Variants in MTMR8 observed in about 807,000 individuals in gnomAD.
The protein encoded by MTMR8 is phosphatidylinositol-3,5-bisphosphate 3-phosphatase MTMR8.
MTMR8 carries 65 observed loss-of-function variants against 39.3 expected under a neutral mutation model. That is an observed-to-expected ratio of 1.65 (90% CI 1.35 to 2.03). MTMR8 has a LOEUF of 2.03. Ranked by LOEUF, MTMR8 falls within the 30% of genes most tolerant of loss-of-function variation. The pLI is 0.00. For missense variants in MTMR8, 777 were observed against 538.9 expected, an observed-to-expected ratio of 1.44 and a Z score of -4.37; for synonymous variants, 245 against 185.2, an observed-to-expected ratio of 1.32 and a Z score of -2.62.
rs181151050 is a variant in MTMR8, at chrX:64,392,037, G to C, written c.24+3303C>G. 3.6e-5 allele frequency among the ~76,000 whole-genome samples: 4 copies of C among 111,724 alleles called. No individual in the cohort carries two copies. In the Admixed American group the frequency reaches 3.8e-4, roughly 11 times the overall value. ...TAATGAGGGTAGGGAAAAATACATAGAACAAATTCTGATTCAGATAGGAGA... is the reference window on the plus strand; with the variant it reads ...TAATGAGGGTAGGGAAAAATACATACAACAAATTCTGATTCAGATAGGAGA... On this transcript the variant is annotated intron_variant, in intron 1 of 13. Transcript: ENST00000374852.
intron 12 of MTMR8, among the ~76,000 whole-genome samples, chrX:64,300,317 C>T (rs1256947826): frequency 9.0e-6 from 1 of 111,616 alleles, no homozygotes; most frequent in Non-Finnish European, 1.9e-5. Context: ...TTGAATTGAT[C>T]CCTTTACCAT....
At chrX:64,355,768 T>C (rs887278438) in intron 3 of MTMR8, among the ~76,000 whole-genome samples, 1 of 110,881 alleles carries the variant, frequency 9.0e-6, no homozygotes, top group African/African-American at 3.3e-5. Context: ...TAGTTGGAAT[T>C]AAAAGTAGGG....
chrX:64,281,966 G>T (rs962166866), intron 12 of MTMR8, among the ~76,000 whole-genome samples: 5 of 109,054 alleles, frequency 4.6e-5, no homozygotes, highest in African/African-American at 1.3e-4. Context: ...ACAAACATAT[G>T]AAAGAAAGCT....
chrX:64,315,274 C>T (rs1019007581), intron 12 of MTMR8, among the ~76,000 whole-genome samples: 1 of 111,948 alleles, frequency 8.9e-6, no homozygotes, highest in African/African-American at 3.2e-5. Context: ...TCACCCATTC[C>T]CCCATTGTTG....
intron 4 of MTMR8, among the ~76,000 whole-genome samples, chrX:64,350,788 T>C (rs1923467852): frequency 9.0e-6 from 1 of 111,274 alleles, no homozygotes; most frequent in Non-Finnish European, 1.9e-5. Context: ...TTCTCAAGTT[T>C]ATCAGCTTTT....
chrX:64,346,207 C>T (rs1923346543), intron 6 of MTMR8, among the ~76,000 whole-genome samples: 1 of 111,240 alleles, frequency 9.0e-6, no homozygotes, highest in South Asian at 3.8e-4. Flanking sequence ...CCTATTTTCT[C>T]ATCTCCCAAT....
intron 1 of MTMR8, among the ~76,000 whole-genome samples, chrX:64,369,672 G>A (rs1418356637): frequency 9.0e-6 from 1 of 111,187 alleles, no homozygotes; most frequent in Non-Finnish European, 1.9e-5. Flanking sequence ...TAAATGATGA[G>A]TTGATGGGTG....
intron 12 of MTMR8, among the ~76,000 whole-genome samples, chrX:64,279,829 T>C (rs781048912): frequency 1.8e-5 from 2 of 111,854 alleles, no homozygotes; most frequent in African/African-American, 3.3e-5. Context: ...AAATAAACCA[T>C]TGCATATACA....
At chrX:64,287,164 C>A (rs1921213062) in intron 12 of MTMR8, among the ~76,000 whole-genome samples, 1 of 111,480 alleles carries the variant, frequency 9.0e-6, no homozygotes. Context: ...TTCTTATACA[C>A]CAATAACAAA....
chrX:64,312,801 T>C (rs1922353218), intron 12 of MTMR8, among the ~76,000 whole-genome samples: 1 of 112,344 alleles, frequency 8.9e-6, no homozygotes, highest in Admixed American at 9.4e-5. Context: ...CATGAAAACA[T>C]TCATCTGCAT....
At chrX:64,357,066 G>T (rs902843620) in intron 2 of MTMR8, among the ~76,000 whole-genome samples, 1 of 112,180 alleles carries the variant, frequency 8.9e-6, no homozygotes, top group African/African-American at 3.2e-5. Flanking sequence ...AGCAAAAAAA[G>T]AAATGCATGG....
intron 12 of MTMR8, among the ~76,000 whole-genome samples, chrX:64,313,411 G>A (rs1048202610): frequency 1.9e-4 from 21 of 112,685 alleles, no homozygotes; most frequent in Non-Finnish European, 3.7e-4. Context: ...AGCCTTCAAA[G>A]AATTGAAGAC....
chrX:64,322,112 T>C (rs1357810891), intron 12 of MTMR8, among the ~76,000 whole-genome samples: 2 of 108,612 alleles, frequency 1.8e-5, no homozygotes, highest in Admixed American at 2.0e-4. Context: ...GGTGCAACCA[T>C]GCCTCACTGC....
chrX:64,291,760 G>A (rs987164098), intron 12 of MTMR8, among the ~76,000 whole-genome samples: 13 of 111,601 alleles, frequency 1.2e-4, no homozygotes, highest in African/African-American at 3.9e-4. Flanking sequence ...GCATAACTTT[G>A]GCATGGCATT....
intron 8 of MTMR8, among the ~76,000 whole-genome samples, chrX:64,342,022 C>T (rs1183675343): frequency 9.0e-6 from 1 of 111,637 alleles, no homozygotes. Context: ...CAAGCTGGGG[C>T]GACATTGTGA....
intron 12 of MTMR8, among the ~76,000 whole-genome samples, chrX:64,316,149 A>G (rs1326997484): frequency 8.9e-6 from 1 of 111,994 alleles, no homozygotes; most frequent in African/African-American, 3.2e-5. Flanking sequence ...ACAATTCAAG[A>G]GGAGATGAAA....
At position 64,344,906 on chromosome X, in the gene MTMR8, C is replaced by T. The variant is rs1923309390; in HGVS notation, c.865+139G>A. 10 of 568,782 alleles carry T rather than the reference C, an allele frequency of 1.8e-5. No homozygotes were observed. In the South Asian group the frequency reaches 2.8e-4, roughly 16 times the overall value. 46.9% of individuals were successfully genotyped at this position (568,782 alleles called of 1,213,427 possible). A position where few individuals can be genotyped will look rare whatever the true frequency, so the allele number is the denominator to read the frequency against. ...CAGTACTATTTAAGCTAGATTTGTA[C>T]AATAGTTAAACACCTAACCACTTAT... is the stretch of plus-strand genomic sequence containing the variant. On this transcript the variant is annotated intron_variant, in intron 7 of 13. Coordinates refer to ENST00000374852, the MANE Select transcript of MTMR8 (RefSeq NM_017677.4).
chrX:64,388,345 G>A (rs1924614030), intron 1 of MTMR8, among the ~76,000 whole-genome samples: 2 of 111,786 alleles, frequency 1.8e-5, no homozygotes, highest in African/African-American at 3.3e-5. Context: ...TATTAAAAAC[G>A]GCAGGCTTTT....
chrX:64,281,663 G>A (rs1432573951), intron 12 of MTMR8, among the ~76,000 whole-genome samples: 1 of 111,451 alleles, frequency 9.0e-6, no homozygotes, highest in African/African-American at 3.3e-5. Flanking sequence ...TGATGAAATT[G>A]CCAAAAGCAG....
Sources: gnomAD v4.1 joint callset for allele counts (sites outside exome capture counted in the v4.1 genomes callset) on GRCh38, gnomAD v4.1.1 for gene constraint, MANE v1.5 for transcripts, NCBI Gene and HGNC (gene_info 2026-07-23, HGNC 2026-07-21) for gene names.